Variants in TBC1D16 observed in about 807,000 individuals in gnomAD.
TBC1D16 encodes the protein CTD-2529O21.1.
Under a neutral mutation model 74.7 loss-of-function variants are expected in TBC1D16, and 58 were observed. The observed-to-expected ratio is 0.78, with a 90% CI of 0.63 to 0.97. TBC1D16 has a LOEUF of 0.97. Among genes scored for constraint, TBC1D16 ranks in the 50% least tolerant of loss-of-function variants. The pLI is 0.00. For synonymous variants in TBC1D16, 493 were observed against 474.7 expected, an observed-to-expected ratio of 1.04 and a Z score of -0.50; for missense variants, 1,014 against 1,079.5, an observed-to-expected ratio of 0.94 and a Z score of 0.85.
chr17:79,964,336 T>C (rs1467176138), intron 3 of TBC1D16, among the ~76,000 whole-genome samples: 1 of 152,244 alleles, frequency 6.6e-6, no homozygotes, highest in Non-Finnish European at 1.5e-5. Context: ...CAATTATTCC[T>C]TATTAAACAT....
chr17:80,001,215 A>C lies in TBC1D16; in HGVS notation c.779+8945T>G, dbSNP rs2035473434. 1.3e-5 allele frequency among the ~76,000 whole-genome samples: 2 copies of C among 151,780 alleles called. No homozygotes were observed. Among genetic ancestry groups the C allele is most frequent in the African/African-American group, 4.8e-5 (2 of 41,292 alleles). On this transcript the variant is annotated intron_variant, in intron 3 of 11. Transcript: ENST00000310924. The surrounding 1 kb of genome is among the most constrained non-coding windows in gnomAD (Gnocchi z 5.8). ...TTCCCTCAGACCCCTGGCATCGGCC[A>C]CTCTCTGGGTGCAGGCGGAGCAGCT...
intron 3 of TBC1D16, among the ~76,000 whole-genome samples, chr17:79,995,507 C>T (rs967871431): frequency 9.2e-5 from 14 of 151,472 alleles, no homozygotes; most frequent in East Asian, 7.8e-4. Context: ...CAGGATCGGC[C>T]GGGCGCGGTG....
At chr17:80,031,236 G>A (rs1409154263) in intron 1 of TBC1D16, among the ~76,000 whole-genome samples, 4 of 152,228 alleles carry the variant, frequency 2.6e-5, no homozygotes, top group East Asian at 1.9e-4. Context: ...CTGCGGGGCC[G>A]CCGTGATTTC....
chr17:80,023,459 G>A (rs1006274070), intron 1 of TBC1D16, among the ~76,000 whole-genome samples: 1 of 150,008 alleles, frequency 6.7e-6, no homozygotes, highest in Non-Finnish European at 1.5e-5. Flanking sequence ...GCTCGTCAGA[G>A]ACCCTTCCCT....
Position 80,009,654 on chromosome 17 carries a change from C to A in TBC1D16, c.779+506G>T, listed in dbSNP as rs11658424. Among the ~76,000 whole-genome samples, 5,059 of 152,302 alleles carry A rather than the reference C, an allele frequency of 0.033. 165 individuals carry two copies. Among genetic ancestry groups the A allele is most frequent in the East Asian group, 0.13 (660 of 5,184 alleles). ...GAGGGAGGCTGAAGCCTCCGGGGACCACAGGGGGCCAGGTCACGTGCCCAG... is the reference window on the plus strand; with the variant it reads ...GAGGGAGGCTGAAGCCTCCGGGGACAACAGGGGGCCAGGTCACGTGCCCAG... On this transcript the variant is annotated intron_variant, in intron 3 of 11. Transcript: ENST00000310924. This position sits in a 1 kb window ranked among gnomAD's most constrained non-coding sequence, Gnocchi z 5.4.
At chr17:79,960,167 C>T (rs554664551) in intron 3 of TBC1D16, among the ~76,000 whole-genome samples, 2 of 151,940 alleles carry the variant, frequency 1.3e-5, no homozygotes, top group African/African-American at 4.8e-5. Context: ...AGATATTTGC[C>T]AAATGCTTAT....
rs1391268244 is a variant in TBC1D16, at chr17:79,983,756, C to A, written c.779+26404G>T. Among the ~76,000 whole-genome samples the A allele has an allele frequency of 2.6e-5, 4 of 152,124 alleles. No individual in the cohort carries two copies. ...TGGAGCACTGGCCTCCTAGGAAGCTCTAGTTCAGACACAGGGGGCGCTGGG... is the reference window on the plus strand; with the variant it reads ...TGGAGCACTGGCCTCCTAGGAAGCTATAGTTCAGACACAGGGGGCGCTGGG... On this transcript the variant is annotated intron_variant, in intron 3 of 11. Transcript: ENST00000310924. The surrounding 1 kb of genome is among the most constrained non-coding windows in gnomAD (Gnocchi z 5.6).
At position 79,986,892 on chromosome 17, in the gene TBC1D16, G is replaced by A. The variant is rs765562009; in HGVS notation, c.779+23268C>T. Among the ~76,000 whole-genome samples, 3 of 152,246 alleles carry A rather than the reference G, an allele frequency of 2.0e-5. No homozygotes were observed. The highest frequency in any genetic ancestry group is 4.4e-5 in the Non-Finnish European group (3 of 68,048). The stretch of plus-strand genomic sequence containing the variant: ...GATGCATGGGAGGAGCTGGACTGCG[G>A]TCAGCCGTCCCCTCGCGCCCTCCGG... On this transcript the variant is annotated intron_variant, in intron 3 of 11. Coordinates refer to ENST00000310924, the MANE Select transcript of TBC1D16 (RefSeq NM_019020.4). This position sits in a 1 kb window ranked among gnomAD's most constrained non-coding sequence, Gnocchi z 6.0.
intron 1 of TBC1D16, among the ~76,000 whole-genome samples, chr17:80,019,726 T>G (rs547415934): frequency 1.3e-5 from 2 of 149,862 alleles, no homozygotes; most frequent in African/African-American, 5.1e-5. Flanking sequence ...TACGTGTCCC[T>G]TAAATCACAT....
chr17:79,973,812 A>G (rs143764522), intron 3 of TBC1D16, among the ~76,000 whole-genome samples: 95 of 152,172 alleles, frequency 6.2e-4, no homozygotes, highest in Non-Finnish European at 1.0e-3. Flanking sequence ...CCATGATCAC[A>G]CTACTGCACT....
At chr17:80,005,397 C>T (rs1023757419) in intron 3 of TBC1D16, among the ~76,000 whole-genome samples, 3 of 152,226 alleles carry the variant, frequency 2.0e-5, no homozygotes, top group African/African-American at 7.2e-5. Flanking sequence ...CACACCCTCG[C>T]CCAACTGGCC....
At chr17:80,014,978 G>A (rs2036034667) in intron 1 of TBC1D16, among the ~76,000 whole-genome samples, 1 of 152,046 alleles carries the variant, frequency 6.6e-6, no homozygotes, top group South Asian at 2.1e-4. Context: ...AGGAACCCAA[G>A]GAAACACCTA....
Position 79,941,426 on chromosome 17 carries a change from G to A in TBC1D16, c.2056-319C>T, listed in dbSNP as rs556093961. Reference sequence around the variant, plus strand: ...CAACACCAGCACAGGGCCGGGTGGCGTCCAGCCAAGCCCACCTGTCCCTTT... The same window carrying A: ...CAACACCAGCACAGGGCCGGGTGGCATCCAGCCAAGCCCACCTGTCCCTTT... On this transcript the variant is annotated intron_variant, in intron 11 of 11. Transcript: ENST00000310924. The surrounding 1 kb of genome is among the most constrained non-coding windows in gnomAD (Gnocchi z 4.3). Among the ~76,000 whole-genome samples the A allele has an allele frequency of 1.3e-4, 20 of 152,278 alleles. No individual in the cohort carries two copies. The highest frequency in any genetic ancestry group is 3.4e-3 in the Middle Eastern group (1 of 294).
Position 79,937,337 on chromosome 17 carries a change from C to A in TBC1D16, c.*3522G>T, listed in dbSNP as rs973880070. On this transcript the variant is annotated 3_prime_UTR_variant, in exon 12 of 12. Coordinates refer to ENST00000310924, the MANE Select transcript of TBC1D16 (RefSeq NM_019020.4). ...AGAGCTGGGCAACCTCTGCCAGCCA[C>A]TACCCCTTAGCCCAAGGGGAGTCCT... 2 of 152,432 alleles carry A rather than the reference C, an allele frequency of 1.3e-5. No homozygotes were observed. Among genetic ancestry groups the A allele is most frequent in the African/African-American group, 4.8e-5 (2 of 41,454 alleles). 9.4% of individuals were successfully genotyped at this position (152,432 alleles called of 1,614,324 possible).
chr17:79,991,804 G>A (rs2144497357), intron 3 of TBC1D16: 1 of 152,036 alleles, frequency 6.6e-6, no homozygotes, highest in East Asian at 2.0e-4. Context: ...GCTGGGCACC[G>A]GGATCCCTCC....
intron 3 of TBC1D16, among the ~76,000 whole-genome samples, chr17:79,995,054 C>G (rs1383848517): frequency 6.6e-6 from 1 of 152,106 alleles, no homozygotes; most frequent in African/African-American, 2.4e-5. Context: ...AATCCCAGCA[C>G]ATTGGGAGGC....
In TBC1D16 at chr17:80,000,548, G is replaced by A. The variant is rs1166257858; in HGVS notation, c.779+9612C>T. 2.0e-5 allele frequency among the ~76,000 whole-genome samples: 3 copies of A among 152,192 alleles called. No homozygotes were observed. The highest frequency in any genetic ancestry group is 4.4e-5 in the Non-Finnish European group (3 of 68,030). On this transcript the variant is annotated intron_variant, in intron 3 of 11. Coordinates refer to ENST00000310924, the MANE Select transcript of TBC1D16 (RefSeq NM_019020.4). The surrounding 1 kb of genome is among the most constrained non-coding windows in gnomAD (Gnocchi z 4.1). ...CTTGATTTTGGACCTCTGGCTCCAG[G>A]ACTGTGAGAGAATACATTTCTCTTG...
chr17:79,967,345 G>A (rs1461890221), intron 3 of TBC1D16, among the ~76,000 whole-genome samples: 4 of 152,152 alleles, frequency 2.6e-5, no homozygotes, highest in Admixed American at 2.0e-4. Flanking sequence ...ATTAACAGAT[G>A]ACATGATCTA....
chr17:79,994,867 A>C lies in TBC1D16; in HGVS notation c.779+15293T>G, dbSNP rs1187839879. Reference sequence around the variant, plus strand: ...GCGAAATTCCCAGGACTTGGTAAACAGAGAGAATGTAAAACACTTCCCATC... The same window carrying C: ...GCGAAATTCCCAGGACTTGGTAAACCGAGAGAATGTAAAACACTTCCCATC... On this transcript the variant is annotated intron_variant, in intron 3 of 11. Transcript: ENST00000310924. The surrounding 1 kb of genome is among the most constrained non-coding windows in gnomAD (Gnocchi z 4.6). Among the ~76,000 whole-genome samples, 1 of 152,272 alleles carries C rather than the reference A, an allele frequency of 6.6e-6. No homozygotes were observed. Among genetic ancestry groups the C allele is most frequent in the Non-Finnish European group, 1.5e-5 (1 of 68,050 alleles).
Sources: gnomAD v4.1 joint callset for allele counts (sites outside exome capture counted in the v4.1 genomes callset) on GRCh38, gnomAD v4.1.1 for gene constraint, Gnocchi (gnomAD v3.1) non-coding constraint, MANE v1.5 for transcripts, NCBI Gene and HGNC (gene_info 2026-07-23, HGNC 2026-07-21) for gene names.